AQP1: variants seen among roughly 807,000 people sequenced by gnomAD.
The protein encoded by AQP1 is aquaporin 1 (Colton blood group).
AQP1 carries 11 observed loss-of-function variants against 19.7 expected under a neutral mutation model. That is an observed-to-expected ratio of 0.56 (90% CI 0.35 to 0.92). The LOEUF (loss-of-function observed/expected upper bound fraction) is 0.92. Ranked by LOEUF, AQP1 falls within the 40% of genes least tolerant of loss-of-function variation. The probability of loss-of-function intolerance (pLI) is 0.01; values close to 1 mark genes in which losing one functional copy is unlikely to be tolerated. For missense variants in AQP1, 320 were observed against 369.7 expected, an observed-to-expected ratio of 0.87 and a Z score of 1.10; for synonymous variants, 159 against 166.7, an observed-to-expected ratio of 0.95 and a Z score of 0.36.
rs181596537 is a variant in AQP1 at position 30,918,979 on chromosome 7, C to T, written c.385-3087C>T. 2.0e-5 allele frequency among the ~76,000 whole-genome samples: 3 copies of T among 152,320 alleles called. No homozygotes were observed. The East Asian group carries it at 5.8e-4, about 29-fold the overall frequency. ...CTGCGTCATCATCTCACTGAGCCAT[C>T]GCACAGGCTGCCCTCTAGGGCTCCC... On this transcript the variant is annotated intron_variant, in intron 1 of 3. Transcript: ENST00000311813.
intron 1 of AQP1, among the ~76,000 whole-genome samples, chr7:30,916,287 C>G (rs1214441588): frequency 1.3e-5 from 2 of 152,224 alleles, no homozygotes; most frequent in Non-Finnish European, 2.9e-5. Flanking sequence ...CTTCTCCACC[C>G]CAGGCAACCT....
chr7:30,923,654 G>A lies in AQP1; in HGVS notation c.*25G>A, dbSNP rs769152616. The A allele has an allele frequency of 8.5e-5, 125 of 1,465,568 alleles. No individual in the cohort carries two copies. The highest frequency in any genetic ancestry group is 9.5e-5 in the Non-Finnish European group (103 of 1,084,596). The allele number at this position is 1,465,568 out of a possible 1,614,324, so 90.8% of individuals were successfully genotyped here. A position where few individuals can be genotyped will look rare whatever the true frequency, so the allele number is the denominator to read the frequency against. ...GAAGGGGTCTGGCCCGGGCATCCAC[G>A]TAGGGGGCAGGGGCAGGGGCGGGCG... On this transcript the variant is annotated 3_prime_UTR_variant, in exon 4 of 4. Transcript: ENST00000311813. The surrounding 1 kb of genome is among the most constrained non-coding windows in gnomAD (Gnocchi z 4.8).
At chr7:30,914,604 G>A (rs948879027) in intron 1 of AQP1, among the ~76,000 whole-genome samples, 22 of 152,216 alleles carry the variant, frequency 1.4e-4, no homozygotes, top group South Asian at 2.1e-4. Context: ...CCCTGGAACT[G>A]GAGGGGCCTC....
intron 1 of AQP1, among the ~76,000 whole-genome samples, chr7:30,918,440 A>G (rs1230732542): frequency 6.6e-6 from 1 of 152,254 alleles, no homozygotes; most frequent in East Asian, 1.9e-4. Flanking sequence ...AGAGGCACAC[A>G]AAACCAGGAA....
intron 1 of AQP1, chr7:30,921,222 C>T (rs910938071): frequency 3.2e-5 from 35 of 1,088,410 alleles, no homozygotes; most frequent in Middle Eastern, 4.0e-4. Flanking sequence ...AGGGGTCCTC[C>T]GGGGGCAGCT....
intron 1 of AQP1, chr7:30,921,466 AG>A (rs1791497332): frequency 6.1e-6 from 9 of 1,467,700 alleles, no homozygotes; most frequent in Middle Eastern, 2.2e-4. Context: ...GACCAAGGAA[AG>A]AGACGGGGTG....
intron 1 of AQP1, chr7:30,921,815 A>G: frequency 6.5e-7 from 1 of 1,550,386 alleles, no homozygotes; most frequent in Non-Finnish European, 8.7e-7. Context: ...GCTTCTAGGC[A>G]GAGTGGGGCC....
In AQP1 at chr7:30,912,951, C is replaced by T. The variant is rs979923552; in HGVS notation, c.384+658C>T. 6.6e-6 allele frequency among the ~76,000 whole-genome samples: 1 copy of T among 151,950 alleles called. No homozygotes were observed. Among genetic ancestry groups the T allele is most frequent in the Non-Finnish European group, 1.5e-5 (1 of 67,986 alleles). ...GGGCAAGCGCTGGGCTCCATGGTCT[C>T]TAGGCACTGAGAGGTGTGGCGTGTG... On this transcript the variant is annotated intron_variant, in intron 1 of 3. Transcript: ENST00000311813. This position sits in a 1 kb window ranked among gnomAD's most constrained non-coding sequence, Gnocchi z 4.3.
Position 30,923,058 on chromosome 7 carries a change from C to T in AQP1, c.631-392C>T, listed in dbSNP as rs1444948649. Among the ~76,000 whole-genome samples the T allele has an allele frequency of 6.6e-6, 1 of 152,260 alleles. No homozygotes were observed. Among genetic ancestry groups the T allele is most frequent in the Non-Finnish European group, 1.5e-5 (1 of 68,048 alleles). On this transcript the variant is annotated intron_variant, in intron 3 of 3. Transcript: ENST00000311813. This position sits in a 1 kb window ranked among gnomAD's most constrained non-coding sequence, Gnocchi z 4.8. ...AAAGGGCTCACTCCCCATCTGTAAACTGAGCTCAACACAGAGGAGGCGCTC... is the reference window on the plus strand; with the variant it reads ...AAAGGGCTCACTCCCCATCTGTAAATTGAGCTCAACACAGAGGAGGCGCTC...
At chr7:30,922,319 C>T (rs540438534) in intron 2 of AQP1, 89 bp downstream of exon 2, 14 of 1,493,812 alleles carry the variant, frequency 9.4e-6, no homozygotes, top group Middle Eastern at 2.3e-4. Flanking sequence ...GTGGGACTCC[C>T]GACAGGGCTC....
rs1679518204 is a variant in AQP1 at position 30,924,215 on chromosome 7, T to G, written c.*586T>G. ...TCCCTATATCAGGGCCTGAGTGACC[T>G]CCTTCTGCAAAGTGGCAGGGACCGG... On this transcript the variant is annotated 3_prime_UTR_variant, in exon 4 of 4. Coordinates refer to ENST00000311813, the MANE Select transcript of AQP1 (RefSeq NM_198098.4). 2 of 841,674 alleles carry G rather than the reference T, an allele frequency of 2.4e-6. No homozygotes were observed. The highest frequency in any genetic ancestry group is 1.5e-6 in the Non-Finnish European group (1 of 651,898). The allele number at this position is 841,674 out of a possible 1,614,324, so 52.1% of individuals were successfully genotyped here.
At position 30,912,314 on chromosome 7, in the gene AQP1, C is replaced by G. The variant is rs1205956264; in HGVS notation, c.384+21C>G. On this transcript the variant is annotated intron_variant, in intron 1 of 3. Coordinates refer to ENST00000311813, the MANE Select transcript of AQP1 (RefSeq NM_198098.4). The surrounding 1 kb of genome is among the most constrained non-coding windows in gnomAD (Gnocchi z 4.3). ...ATGACGTGAGTGGGGTGTCCCTGGGCTTGGGGGGGTTCTAGAATGATGCTG... is the reference window on the plus strand; with the variant it reads ...ATGACGTGAGTGGGGTGTCCCTGGGGTTGGGGGGGTTCTAGAATGATGCTG... The G allele has an allele frequency of 6.3e-7, 1 of 1,595,898 alleles. No homozygotes were observed. The highest frequency in any genetic ancestry group is 1.3e-5 in the African/African-American group (1 of 74,858).
intron 1 of AQP1, among the ~76,000 whole-genome samples, chr7:30,914,582 G>A (rs367952923): frequency 2.6e-5 from 4 of 152,206 alleles, no homozygotes; most frequent in South Asian, 2.1e-4. Flanking sequence ...AAGGGCTCCC[G>A]TCAGACACTG....
At chr7:30,916,192 C>G (rs369303639) in intron 1 of AQP1, among the ~76,000 whole-genome samples, 8 of 152,206 alleles carry the variant, frequency 5.3e-5, no homozygotes, top group African/African-American at 1.7e-4. Context: ...TGAGAGGGGA[C>G]ACGGCCTCCT....
chr7:30,921,947 G>T (rs1188644729), intron 1 of AQP1, 119 bp from the exon 2 acceptor site: 1 of 1,566,492 alleles, frequency 6.4e-7, no homozygotes, highest in African/African-American at 1.4e-5. Flanking sequence ...GGCTCTGAAG[G>T]CCCATCTGAG....
At position 30,913,955 on chromosome 7, in the gene AQP1, G is replaced by T. The variant is rs541097444; in HGVS notation, c.384+1662G>T. 2.6e-4 allele frequency among the ~76,000 whole-genome samples: 40 copies of T among 152,290 alleles called. 1 individual carries two copies. Among genetic ancestry groups the T allele is most frequent in the Middle Eastern group, 3.4e-3 (1 of 294 alleles). ...TGGCTGGGTATGATGGGCTGGGGGA[G>T]CGTCCCTGTAGGGGAGTGGATGTGA... is the stretch of plus-strand genomic sequence containing the variant. On this transcript the variant is annotated intron_variant, in intron 1 of 3. Transcript: ENST00000311813.
At chr7:30,920,647 A>C (rs1007150144) in intron 1 of AQP1, among the ~76,000 whole-genome samples, 4 of 152,230 alleles carry the variant, frequency 2.6e-5, no homozygotes, top group Admixed American at 6.5e-5. Flanking sequence ...GGAAGACTGA[A>C]GACCAGAGGG....
At chr7:30,921,226 G>C in intron 1 of AQP1, 1 of 1,096,038 alleles carries the variant, frequency 9.1e-7, no homozygotes, top group Non-Finnish European at 1.1e-6. Flanking sequence ...GTCCTCCGGG[G>C]GCAGCTGCAT....
intron 3 of AQP1, 92 bp downstream of exon 3, chr7:30,922,736 C>T (rs986734749): frequency 1.6e-6 from 2 of 1,287,084 alleles, no homozygotes; most frequent in Non-Finnish European, 2.3e-6. Flanking sequence ...GTTCTGGAGG[C>T]TCTGGGAGAC....
Sources: gnomAD v4.1 joint callset for allele counts (sites outside exome capture counted in the v4.1 genomes callset) on GRCh38, gnomAD v4.1.1 for gene constraint, Gnocchi (gnomAD v3.1) non-coding constraint, MANE v1.5 for transcripts, NCBI Gene and HGNC (gene_info 2026-07-23, HGNC 2026-07-21) for gene names.